Variants in HMGB1 observed in about 807,000 individuals in gnomAD.
The protein encoded by HMGB1 is high mobility group box 1.
For synonymous variants in HMGB1, 81 were observed against 84.0 expected (o/e 0.96, Z 0.19); for missense variants, 79 against 253.5 (o/e 0.31, Z 4.67).
At chr13:30,487,283 C>T (rs1007399519) in intron 1 of HMGB1, among the ~76,000 whole-genome samples, 1 of 152,224 alleles carries the variant, frequency 6.6e-6, no homozygotes, top group Non-Finnish European at 1.5e-5. Flanking sequence ...CTGAGCACTG[C>T]ACCTAGTGAG....
At position 30,478,281 on chromosome 13, in the gene HMGB1, G is replaced by C. The variant is rs541255405; in HGVS notation, c.-14-14587C>G. On this transcript the variant is annotated intron_variant, in intron 1 of 4. Coordinates refer to the HMGB1 transcript ENST00000405805. ...GGGCCCGGGAGTTCAAGGCTGCAGT[G>C]AGCTGTCATTGTACCTGTGAATAGA... Among the ~76,000 whole-genome samples the C allele has an allele frequency of 5.9e-5, 9 of 152,302 alleles. No homozygotes were observed. The East Asian group carries it at 1.7e-3, about 29-fold the overall frequency.
At chr13:30,550,514 C>T (rs9508795) in intron 1 of HMGB1, among the ~76,000 whole-genome samples, 94,062 of 152,062 alleles carry the variant, frequency 0.62, 29,822 homozygotes, top group Middle Eastern at 0.76. Flanking sequence ...GTTTGTCGTA[C>T]TTCCTTAATG....
chr13:30,580,041 C>T (rs1870834818), intron 1 of HMGB1, among the ~76,000 whole-genome samples: 1 of 152,180 alleles, frequency 6.6e-6, no homozygotes, highest in African/African-American at 2.4e-5. Context: ...GGACACCAGG[C>T]TAACTATCAG....
chr13:30,539,003 T>C (rs1358544738), intron 1 of HMGB1, among the ~76,000 whole-genome samples: 1 of 152,092 alleles, frequency 6.6e-6, no homozygotes, highest in Non-Finnish European at 1.5e-5. Flanking sequence ...TTCAAGAGAT[T>C]CTCCTGCCTC....
chr13:30,563,901 G>A (rs1350875151), intron 1 of HMGB1, among the ~76,000 whole-genome samples: 1 of 152,136 alleles, frequency 6.6e-6, no homozygotes, highest in Non-Finnish European at 1.5e-5. Flanking sequence ...TATTAGCTGG[G>A]TCTCTACTTT....
chr13:30,558,255 A>G (rs1282087414), intron 1 of HMGB1, among the ~76,000 whole-genome samples: 1 of 152,214 alleles, frequency 6.6e-6, no homozygotes, highest in Non-Finnish European at 1.5e-5. Context: ...GCCTGATTTC[A>G]TCTTTCAATG....
At chr13:30,597,203 C>T (rs909472027) in intron 1 of HMGB1, among the ~76,000 whole-genome samples, 7 of 144,376 alleles carry the variant, frequency 4.8e-5, no homozygotes, top group Non-Finnish European at 1.0e-4. Flanking sequence ...TGACCTAATC[C>T]AATACGACCA....
At chr13:30,492,539 T>C (rs1197683480) in intron 1 of HMGB1, among the ~76,000 whole-genome samples, 1 of 152,138 alleles carries the variant, frequency 6.6e-6, no homozygotes, top group Non-Finnish European at 1.5e-5. Flanking sequence ...GTTAGTTATC[T>C]GGAAAACACA....
chr13:30,536,983 C>A (rs781453280), intron 1 of HMGB1, among the ~76,000 whole-genome samples: 8 of 152,198 alleles, frequency 5.3e-5, no homozygotes. Context: ...CCTTCTTCTC[C>A]GTTCCATGGG....
chr13:30,526,207 C>T (rs1004674725), intron 1 of HMGB1, among the ~76,000 whole-genome samples: 4 of 152,044 alleles, frequency 2.6e-5, no homozygotes, highest in African/African-American at 9.7e-5. Flanking sequence ...CAGGCATGCA[C>T]CACCATGTCT....
At chr13:30,611,009 G>A (rs1950507999) in intron 1 of HMGB1, among the ~76,000 whole-genome samples, 1 of 152,186 alleles carries the variant, frequency 6.6e-6, no homozygotes, top group African/African-American at 2.4e-5. Context: ...TTAGCACTCA[G>A]TTACAATTCA....
In HMGB1 at chr13:30,492,665, A is replaced by G. The variant is rs145831505; in HGVS notation, c.-14-28971T>C. Among the ~76,000 whole-genome samples the G allele has an allele frequency of 1.5e-3, 223 of 152,268 alleles. 1 individual carries two copies. In the Middle Eastern group the frequency reaches 0.017, roughly 12 times the overall value. On this transcript the variant is annotated intron_variant, in intron 1 of 4. Transcript: ENST00000405805. The stretch of plus-strand genomic sequence containing the variant: ...ACTGCTGATAGGAATGTAAAATGGT[A>G]CAAGCACTTTGGAAAACTGATAGCT...
At chr13:30,522,961 A>G (rs1454225865) in intron 1 of HMGB1, among the ~76,000 whole-genome samples, 1 of 152,090 alleles carries the variant, frequency 6.6e-6, no homozygotes, top group Non-Finnish European at 1.5e-5. Flanking sequence ...TGATCCACCC[A>G]CCTCGGCCTC....
chr13:30,550,973 A>AG (rs1427754475), intron 1 of HMGB1, among the ~76,000 whole-genome samples: 1 of 152,240 alleles, frequency 6.6e-6, no homozygotes, highest in Non-Finnish European at 1.5e-5. Context: ...TGTTCACTTT[A>AG]GATTGCCAGG....
At chr13:30,517,476 C>T (rs1188757976) in intron 1 of HMGB1, among the ~76,000 whole-genome samples, 1 of 152,250 alleles carries the variant, frequency 6.6e-6, no homozygotes, top group East Asian at 1.9e-4. Flanking sequence ...ACAGTCTCAG[C>T]TCACTGCAAC....
At chr13:30,580,907 T>C (rs139672329) in intron 1 of HMGB1, among the ~76,000 whole-genome samples, 324 of 152,332 alleles carry the variant, frequency 2.1e-3, no homozygotes, top group African/African-American at 7.4e-3. Flanking sequence ...CACCCTTTCC[T>C]TGAAATCAGG....
intron 1 of HMGB1, among the ~76,000 whole-genome samples, chr13:30,474,903 G>A (rs1887037224): frequency 7.0e-6 from 1 of 142,390 alleles, no homozygotes; most frequent in Non-Finnish European, 1.5e-5. Context: ...AGGCTGGAGT[G>A]CAATGGTGCA....
At position 30,522,455 on chromosome 13, in the gene HMGB1, G is replaced by C. The variant is rs78891598; in HGVS notation, c.-14-58761C>G. 5.1e-3 allele frequency among the ~76,000 whole-genome samples: 770 copies of C among 152,154 alleles called. 3 individuals carry two copies. The highest frequency in any genetic ancestry group is 0.014 in the African/African-American group (596 of 41,508). ...CATTGCCTTTTTACCCCTCCGGGCT[G>C]TTCCAACCCCAGGATAGCTACCTAA... On this transcript the variant is annotated intron_variant, in intron 1 of 4. Coordinates refer to the HMGB1 transcript ENST00000405805.
At chr13:30,514,323 T>G (rs1187404868) in intron 1 of HMGB1, among the ~76,000 whole-genome samples, 2 of 150,948 alleles carry the variant, frequency 1.3e-5, no homozygotes, top group Non-Finnish European at 3.0e-5. Context: ...TAGCCATTGC[T>G]ATTATTATCC....
Sources: gnomAD v4.1 joint callset for allele counts (sites outside exome capture counted in the v4.1 genomes callset) on GRCh38, gnomAD v4.1.1 for gene constraint, MANE v1.5 for transcripts, NCBI Gene and HGNC (gene_info 2026-07-23, HGNC 2026-07-21) for gene names.